Variants in LRRC4C observed in about 807,000 individuals in gnomAD.
LRRC4C encodes the protein leucine-rich repeat-containing protein 4C.
A neutral mutation model predicts 33.6 loss-of-function variants in LRRC4C; 5 were observed. The ratio of observed to expected loss-of-function variants is 0.15; its 90% CI spans 0.08 to 0.31. The LOEUF (loss-of-function observed/expected upper bound fraction) is 0.31. Among genes scored for constraint, LRRC4C ranks in the 10% least tolerant of loss-of-function variants. The pLI is 1.00. For synonymous variants in LRRC4C, 329 were observed against 302.0 expected (o/e 1.09, Z -0.93); for missense variants, 560 against 796.7 (o/e 0.70, Z 3.58).
At chr11:41,232,093 T>C (rs1390068840) in intron 1 of LRRC4C, among the ~76,000 whole-genome samples, 1 of 152,006 alleles carries the variant, frequency 6.6e-6, no homozygotes, top group Non-Finnish European at 1.5e-5. Flanking sequence ...CTGGAATGAT[T>C]TCCCCTTGCC....
intron 5 of LRRC4C, among the ~76,000 whole-genome samples, chr11:40,195,073 AGAGT>A (rs2135665226): frequency 6.6e-6 from 1 of 152,114 alleles, no homozygotes; most frequent in Admixed American, 6.5e-5. Flanking sequence ...CCTGGGCGAC[AGAGT>A]GAGACTCCGT....
At chr11:40,969,013 T>A (rs1034853709) in intron 1 of LRRC4C, among the ~76,000 whole-genome samples, 4 of 152,114 alleles carry the variant, frequency 2.6e-5, no homozygotes, top group African/African-American at 9.7e-5. Flanking sequence ...ACACTGAAAA[T>A]CTTCGGGAAA....
At chr11:41,195,095 G>T (rs1946124904) in intron 1 of LRRC4C, among the ~76,000 whole-genome samples, 1 of 151,680 alleles carries the variant, frequency 6.6e-6, no homozygotes, top group Non-Finnish European at 1.5e-5. Flanking sequence ...ACCTGCTTCA[G>T]ACATAGTTTC....
At chr11:40,141,651 A>G (rs1382985211) in intron 5 of LRRC4C, among the ~76,000 whole-genome samples, 2 of 152,188 alleles carry the variant, frequency 1.3e-5, no homozygotes, top group East Asian at 3.9e-4. Flanking sequence ...ATGGATATTA[A>G]AATCACCAAG....
chr11:41,293,572 A>G (rs1950050613), intron 1 of LRRC4C, among the ~76,000 whole-genome samples: 1 of 151,658 alleles, frequency 6.6e-6, no homozygotes, highest in Non-Finnish European at 1.5e-5. Flanking sequence ...ATGTTATTTT[A>G]TTTTTTTATT....
At chr11:41,314,847 C>A (rs1365259563) in intron 1 of LRRC4C, among the ~76,000 whole-genome samples, 1 of 151,956 alleles carries the variant, frequency 6.6e-6, no homozygotes, top group Non-Finnish European at 1.5e-5. Context: ...ACAGTATAAA[C>A]CTAGCTGACT....
intron 1 of LRRC4C, among the ~76,000 whole-genome samples, chr11:41,362,555 A>C (rs2922046): frequency 2.0e-5 from 3 of 152,082 alleles, no homozygotes; most frequent in Non-Finnish European, 2.9e-5. Context: ...GGGTCCAGGG[A>C]GTTCCTACTT....
intron 3 of LRRC4C, among the ~76,000 whole-genome samples, chr11:40,528,374 G>A (rs1490892199): frequency 1.3e-5 from 2 of 151,890 alleles, no homozygotes; most frequent in African/African-American, 2.4e-5. Flanking sequence ...GATATAAATG[G>A]CCAATAAGTA....
intron 1 of LRRC4C, among the ~76,000 whole-genome samples, chr11:40,964,042 G>C (rs540447598): frequency 2.0e-5 from 3 of 151,034 alleles, no homozygotes; most frequent in African/African-American, 7.3e-5. Context: ...TTTCCCACCT[G>C]CCAATAAGAG....
intron 2 of LRRC4C, among the ~76,000 whole-genome samples, chr11:40,696,772 A>ATATATC (rs1555147711): frequency 3.8e-4 from 55 of 146,142 alleles, no homozygotes; most frequent in African/African-American, 1.3e-3. Context: ...ATATATATAT[A>ATATATC]TATCTGAGTA....
chr11:40,932,265 C>A (rs1957662479), intron 2 of LRRC4C, among the ~76,000 whole-genome samples: 1 of 151,984 alleles, frequency 6.6e-6, no homozygotes, highest in African/African-American at 2.4e-5. Flanking sequence ...TATTGAGCTC[C>A]TATCATTTTA....
intron 1 of LRRC4C, among the ~76,000 whole-genome samples, chr11:41,398,508 A>G (rs1953906198): frequency 6.6e-6 from 1 of 151,946 alleles, no homozygotes; most frequent in South Asian, 2.1e-4. Context: ...CCTAGTAGAC[A>G]TTCCATTCAC....
At chr11:40,756,938 G>C (rs1948981170) in intron 2 of LRRC4C, among the ~76,000 whole-genome samples, 1 of 151,724 alleles carries the variant, frequency 6.6e-6, no homozygotes, top group African/African-American at 2.4e-5. Context: ...TGTTTGGAGA[G>C]CAAAAGTGGA....
intron 2 of LRRC4C, among the ~76,000 whole-genome samples, chr11:40,753,173 G>C (rs934173772): frequency 6.6e-6 from 1 of 151,950 alleles, no homozygotes; most frequent in South Asian, 2.1e-4. Flanking sequence ...AGAGAGGTTG[G>C]TGAATAGGTA....
intron 1 of LRRC4C, among the ~76,000 whole-genome samples, chr11:41,244,416 A>T (rs7101884): frequency 2.0e-5 from 3 of 151,978 alleles, no homozygotes; most frequent in Non-Finnish European, 4.4e-5. Context: ...CTAAAAATTT[A>T]GCAAGTGACA....
At chr11:40,189,090 G>A (rs1387497733) in intron 5 of LRRC4C, among the ~76,000 whole-genome samples, 1 of 151,970 alleles carries the variant, frequency 6.6e-6, no homozygotes, top group East Asian at 1.9e-4. Flanking sequence ...TCATACGCTT[G>A]GGCTCTAAGA....
At chr11:41,155,554 C>G (rs529207203) in intron 1 of LRRC4C, among the ~76,000 whole-genome samples, 4 of 152,060 alleles carry the variant, frequency 2.6e-5, no homozygotes, top group Non-Finnish European at 5.9e-5. Flanking sequence ...TCTCCCTCTT[C>G]CAATGATGGA....
At chr11:40,722,204 A>G (rs761653745) in intron 2 of LRRC4C, among the ~76,000 whole-genome samples, 26 of 152,158 alleles carry the variant, frequency 1.7e-4, no homozygotes, top group Non-Finnish European at 3.5e-4. Context: ...ATTTTGTACT[A>G]TTTGGTAATT....
chr11:41,284,596 C>G (rs1046672708), intron 1 of LRRC4C, among the ~76,000 whole-genome samples: 1 of 152,190 alleles, frequency 6.6e-6, no homozygotes, highest in Non-Finnish European at 1.5e-5. Context: ...CCCAGCCTCT[C>G]CGCTCCAGGC....
Sources: gnomAD v4.1 joint callset for allele counts (sites outside exome capture counted in the v4.1 genomes callset) on GRCh38, gnomAD v4.1.1 for gene constraint, MANE v1.5 for transcripts, NCBI Gene and HGNC (gene_info 2026-07-23, HGNC 2026-07-21) for gene names.